ZNF713: variants seen among roughly 807,000 people sequenced by gnomAD.
The protein encoded by ZNF713 is zinc finger protein 713.
ZNF713 carries 21 observed loss-of-function variants against 28.7 expected under a neutral mutation model. The ratio of observed to expected loss-of-function variants is 0.73; its 90% CI spans 0.52 to 1.05. The LOEUF is 1.05. Among genes scored for constraint, ZNF713 ranks in the 50% least tolerant of loss-of-function variants. The pLI is 0.00. For synonymous variants in ZNF713, 167 were observed against 178.0 expected (o/e 0.94, Z 0.49); for missense variants, 458 against 532.4 (o/e 0.86, Z 1.37).
In ZNF713 at chr7:55,923,150, T is replaced by A. The variant is rs773813463; in HGVS notation, c.88-12T>A. 6.2e-7 allele frequency: 1 copy of A among 1,608,706 alleles called. No individual in the cohort carries two copies. Among genetic ancestry groups the A allele is most frequent in the South Asian group, 1.1e-5 (1 of 90,184 alleles). ...CGTTTTTGCCTGAGCAGGGATGTGC[T>A]TGATGTTTCAGGAATCACTGACGTT... On this transcript the variant is annotated splice_polypyrimidine_tract_variant and intron_variant, in intron 4 of 6. Transcript: ENST00000429591.
chr7:55,904,463 TAAAAAA>T (rs71015118), intron 1 of ZNF713, among the ~76,000 whole-genome samples: 10 of 41,290 alleles, frequency 2.4e-4, no homozygotes, highest in African/African-American at 7.1e-4. Context: ...ACTGTATCTT[TAAAAAA>T]AAAAAAAAAA....
chr7:55,889,385 G>A (rs1785337335), intron 1 of ZNF713, among the ~76,000 whole-genome samples: 1 of 152,348 alleles, frequency 6.6e-6, no homozygotes, highest in African/African-American at 2.4e-5. Context: ...ACAGGCGTGA[G>A]CCACTGCGCC....
Position 55,939,214 on chromosome 7 carries a change from T to G in ZNF713, c.540T>G (p.Leu180=). The G allele has an allele frequency of 6.2e-7, 1 of 1,614,142 alleles. No individual in the cohort carries two copies. The highest frequency in any genetic ancestry group is 8.5e-7 in the Non-Finnish European group (1 of 1,180,028). Residue 180 remains leucine (L), a synonymous_variant, in exon 7 of 7, where the codon CTT becomes CTG. Transcript: ENST00000429591. ...AAAAGATCACACAGGAGAGAAGCCTTGAGTGTAATAAATTTGCAGAAAACT... is the reference window on the plus strand; with the variant it reads ...AAAAGATCACACAGGAGAGAAGCCTGGAGTGTAATAAATTTGCAGAAAACT... ...THKKITQERS[L]ECNKFAENCN... is the part of the protein sequence containing the mutation.
At chr7:55,893,640 C>T (rs531476290) in intron 1 of ZNF713, among the ~76,000 whole-genome samples, 23 of 152,084 alleles carry the variant, frequency 1.5e-4, no homozygotes, top group African/African-American at 5.1e-4. Context: ...AGTACAGTGT[C>T]GCGATCTTGG....
intron 3 of ZNF713, 123 bp from the exon 4 acceptor site, chr7:55,912,512 C>CT (rs1406200743): frequency 9.1e-6 from 6 of 660,750 alleles, no homozygotes; most frequent in Non-Finnish European, 1.6e-5. Flanking sequence ...ACGTCACAAC[C>CT]TTTAGGCTTA....
intron 1 of ZNF713, among the ~76,000 whole-genome samples, chr7:55,903,183 A>C (rs1785609558): frequency 6.6e-6 from 1 of 152,100 alleles, no homozygotes; most frequent in African/African-American, 2.4e-5. Context: ...GCAAACACCA[A>C]AATCCTTTCA....
chr7:55,929,078 C>T (rs1288009010), intron 6 of ZNF713, among the ~76,000 whole-genome samples: 1 of 152,006 alleles, frequency 6.6e-6, no homozygotes, highest in Non-Finnish European at 1.5e-5. Flanking sequence ...GTCGAGGCTG[C>T]AGTGAGCTAT....
rs150440418 is a variant in ZNF713 at position 55,918,777 on chromosome 7, G to A, written c.88-4385G>A. 2.6e-3 allele frequency among the ~76,000 whole-genome samples: 395 copies of A among 152,184 alleles called. 3 individuals carry two copies. The highest frequency in any genetic ancestry group is 8.7e-3 in the African/African-American group (361 of 41,524). On this transcript the variant is annotated intron_variant, in intron 4 of 6. Transcript: ENST00000429591. Reference sequence around the variant, plus strand: ...ACTTTGGGAGGCCAAGGCCTCACTCGAGGTCAGGAGTTTGAGACTAGCCTG... The same window carrying A: ...ACTTTGGGAGGCCAAGGCCTCACTCAAGGTCAGGAGTTTGAGACTAGCCTG...
intron 6 of ZNF713, among the ~76,000 whole-genome samples, chr7:55,935,228 A>G (rs1314275757): frequency 6.6e-6 from 1 of 152,104 alleles, no homozygotes; most frequent in Non-Finnish European, 1.5e-5. Context: ...ATACTAGCTT[A>G]GGTCCATAAG....
chr7:55,911,973 G>A lies in ZNF713; in HGVS notation c.-98G>A, dbSNP rs190661620. On this transcript the variant is annotated 5_prime_UTR_variant, in exon 3 of 7. The change abolishes an upstream ATG in the 5' untranslated region. Transcript: ENST00000429591. ...TCCTGGTGCATCTGCTGACTTTCAT[G>A]TAGAAGATAGCAGAGCTTTGGCGAC... The A allele has an allele frequency of 5.9e-5, 9 of 152,316 alleles. No individual in the cohort carries two copies. The highest frequency in any genetic ancestry group is 7.3e-5 in the Non-Finnish European group (5 of 68,062). 9.4% of individuals were successfully genotyped at this position (152,316 alleles called of 1,614,324 possible).
chr7:55,916,933 G>A (rs1362074680), intron 4 of ZNF713, among the ~76,000 whole-genome samples: 4 of 152,048 alleles, frequency 2.6e-5, no homozygotes, highest in Non-Finnish European at 4.4e-5. Flanking sequence ...CACCAAAAGC[G>A]GCCGGGCGCA....
chr7:55,912,871 T>C (rs1314626712), intron 4 of ZNF713, 148 bp downstream of exon 4: 7 of 635,250 alleles, frequency 1.1e-5, no homozygotes, highest in Non-Finnish European at 2.0e-5. Flanking sequence ...CAGCATGTTT[T>C]CCATTCACCT....
chr7:55,918,124 T>C (rs1181442682), intron 4 of ZNF713: 1 of 456,590 alleles, frequency 2.2e-6, no homozygotes, highest in Non-Finnish European at 4.4e-6. Context: ...TCAAGGCAGA[T>C]CATAAATGGC....
intron 1 of ZNF713, among the ~76,000 whole-genome samples, chr7:55,891,891 A>AGAAAAAAAT (rs1785386590): frequency 6.6e-6 from 1 of 152,240 alleles, no homozygotes; most frequent in African/African-American, 2.4e-5. Flanking sequence ...CTTATTTAAT[A>AGAAAAAAAT]GAAAAAAATT....
rs759891515 is a variant in ZNF713, at chr7:55,939,348, A to G, written c.674A>G (p.Tyr225Cys). ...SIKHNSDLIY[Y>C]QGNYVRETPY... The stretch of plus-strand genomic sequence containing the variant: ...AAACATAATTCAGACTTGATTTACT[A>G]TCAGGGAAATTATGTAAGAGAGACT... Residue 225 changes from tyrosine to cysteine, a missense_variant, in exon 7 of 7, where the codon TAT (tyrosine) becomes TGT (cysteine). Transcript: ENST00000429591. 7 of 1,614,082 alleles carry G rather than the reference A, an allele frequency of 4.3e-6. No individual in the cohort carries two copies. Among genetic ancestry groups the G allele is most frequent in the South Asian group, 1.1e-5 (1 of 91,040 alleles).
intron 6 of ZNF713, among the ~76,000 whole-genome samples, chr7:55,936,761 G>A (rs1318408009): frequency 6.6e-6 from 1 of 152,116 alleles, no homozygotes; most frequent in Non-Finnish European, 1.5e-5. Context: ...AGCCAGCATG[G>A]TCTTGGATCT....
chr7:55,939,049 C>T lies in ZNF713; in HGVS notation c.375C>T (p.Thr125=), dbSNP rs201111131. The T allele has an allele frequency of 6.2e-6, 10 of 1,612,074 alleles. No individual in the cohort carries two copies. In the African/African-American group the frequency reaches 1.3e-4, roughly 22 times the overall value. The change falls in exon 7 of 7, where the codon ACC becomes ACT. Residue 125 remains threonine (T), a synonymous_variant. Transcript: ENST00000429591. The stretch of plus-strand genomic sequence containing the variant: ...AGAATATTTCTGATGAAAATCAAAC[C>T]CATGAGATGATAATGGAGAGACTCG... The part of the protein sequence containing the change: ...TSQNISDENQ[T]HEMIMERLAG...
chr7:55,932,486 C>G (rs1448527208), intron 6 of ZNF713, among the ~76,000 whole-genome samples: 4 of 148,190 alleles, frequency 2.7e-5, no homozygotes, highest in Admixed American at 6.8e-5. Flanking sequence ...GATCACACCA[C>G]TGCACTCCAG....
chr7:55,922,415 G>A (rs1324231306), intron 4 of ZNF713, among the ~76,000 whole-genome samples: 1 of 151,968 alleles, frequency 6.6e-6, no homozygotes, highest in Non-Finnish European at 1.5e-5. Context: ...GTGCACACCT[G>A]TAGTCCCAGC....
Sources: gnomAD v4.1 joint callset for allele counts (sites outside exome capture counted in the v4.1 genomes callset) on GRCh38, gnomAD v4.1.1 for gene constraint, MANE v1.5 for transcripts, NCBI Gene and HGNC (gene_info 2026-07-23, HGNC 2026-07-21) for gene names.